Variants in DST observed in about 807,000 individuals in gnomAD.
The protein encoded by DST is dystonin, also known as bullous pemphigoid antigen.
Under a neutral mutation model 875.2 loss-of-function variants are expected in DST, and 253 were observed. That is an observed-to-expected ratio of 0.29 (90% CI 0.26 to 0.32). DST has a LOEUF of 0.32. Among genes scored for constraint, DST ranks in the 10% least tolerant of loss-of-function variants. The pLI, the probability that DST is intolerant of heterozygous loss-of-function variation, is 1.00. For synonymous variants in DST, 3,124 were observed against 3,197.1 expected, an observed-to-expected ratio of 0.98 and a Z score of 0.77; for missense variants, 8,287 against 9,111.6, an observed-to-expected ratio of 0.91 and a Z score of 3.68.
chr6:56,575,526 G>A (rs958550955), intron 50 of DST, among the ~76,000 whole-genome samples: 1 of 152,224 alleles, frequency 6.6e-6, no homozygotes, highest in East Asian at 1.9e-4. Context: ...ACTTTCGAAG[G>A]AAAGCCAGCT....
intron 4 of DST, among the ~76,000 whole-genome samples, chr6:56,758,803 A>C (rs1197627398): frequency 6.6e-6 from 1 of 152,208 alleles, no homozygotes; most frequent in Non-Finnish European, 1.5e-5. Context: ...AGGTTCTAAA[A>C]GCAACGGACC....
intron 2 of DST, among the ~76,000 whole-genome samples, chr6:56,908,653 A>T (rs1217256103): frequency 1.3e-5 from 2 of 152,228 alleles, no homozygotes; most frequent in Non-Finnish European, 2.9e-5. Flanking sequence ...ACTGGGCTGC[A>T]TTCCCAGACG....
rs766857332 is a variant in DST at position 56,630,395 on chromosome 6, A to T, written c.4143-12T>A. The T allele has an allele frequency of 6.2e-7, 1 of 1,610,432 alleles. No individual in the cohort carries two copies. On this transcript the variant is annotated splice_polypyrimidine_tract_variant and intron_variant, in intron 30 of 103. Transcript: ENST00000680361. ...TAACAGTTTTCAACCTTAAAAAGGA[A>T]ATTAAACAATAGCCACCTATGGTTA... is the stretch of plus-strand genomic sequence containing the variant.
In DST at chr6:56,637,724, A is replaced by T. The variant is rs145082645; in HGVS notation, c.2965-1072T>A. Among the ~76,000 whole-genome samples the T allele has an allele frequency of 5.9e-3, 890 of 152,120 alleles. 4 individuals carry two copies. The highest frequency in any genetic ancestry group is 0.02 in the African/African-American group (850 of 41,480). On this transcript the variant is annotated intron_variant, in intron 22 of 103. Transcript: ENST00000680361. ...CTCCTTCCTCAAGGAAACATGAAAT[A>T]CTCTTTTCTATTTAAGGTGCAATTC...
chr6:56,607,190 G>C lies in DST; in HGVS notation c.7438C>G (p.Gln2480Glu). The C allele has an allele frequency of 1.2e-6, 2 of 1,613,300 alleles. No homozygotes were observed. The highest frequency in any genetic ancestry group is 1.7e-6 in the Non-Finnish European group (2 of 1,179,588). Residue 2480 changes from glutamine (Q) to glutamate (E), a missense_variant, in exon 40 of 104, where the codon CAA becomes GAA. Physicochemically the swap from Gln to Glu is conservative, Grantham distance 29 (BLOSUM62 2). Transcript: ENST00000680361. ...SFSDKTMLSG[Q>E]RIGEKFQDQF... Reference sequence around the variant, plus strand: ...TCTTGAAATTTTTCTCCTATTCTTTGACCTGACAACATGGTTTTGTCACTG... The same window carrying C: ...TCTTGAAATTTTTCTCCTATTCTTTCACCTGACAACATGGTTTTGTCACTG...
rs1583412358 is a variant in DST at position 56,506,557 on chromosome 6, T to C, written c.19363-13A>G. ...ATGCTGAATTTAACTACAAGATGTATGTTAGAATTCTTTTAGTGCCATATT... is the reference window on the plus strand; with the variant it reads ...ATGCTGAATTTAACTACAAGATGTACGTTAGAATTCTTTTAGTGCCATATT... On this transcript the variant is annotated splice_polypyrimidine_tract_variant and intron_variant, in intron 76 of 103. Transcript: ENST00000680361. 1.2e-6 allele frequency: 2 copies of C among 1,610,834 alleles called. No homozygotes were observed. The highest frequency in any genetic ancestry group is 2.2e-5 in the South Asian group (2 of 90,676).
chr6:56,859,909 T>C (rs1431195548), intron 3 of DST, among the ~76,000 whole-genome samples: 2 of 152,158 alleles, frequency 1.3e-5, no homozygotes, highest in South Asian at 4.1e-4. Context: ...GCCTCCGCAG[T>C]CCCTTCAGAA....
chr6:56,589,478 G>A (rs80112075), intron 49 of DST, among the ~76,000 whole-genome samples: 1,537 of 152,302 alleles, frequency 0.01, 27 homozygotes, highest in African/African-American at 0.035. Flanking sequence ...ATGAAAGAAG[G>A]ATCTGTGACA....
chr6:56,818,926 A>G (rs1001472288), intron 4 of DST, among the ~76,000 whole-genome samples: 1 of 152,160 alleles, frequency 6.6e-6, no homozygotes, highest in Non-Finnish European at 1.5e-5. Flanking sequence ...TAACGCATGT[A>G]TACACTTAGC....
Position 56,846,434 on chromosome 6 carries a change from C to T in DST, c.625+4963G>A, listed in dbSNP as rs148998339. On this transcript the variant is annotated intron_variant, in intron 4 of 103. Coordinates refer to ENST00000680361, the MANE Select transcript of DST (RefSeq NM_001374736.1). ...GAAGAATTTGGATAGGACAAAAATC[C>T]TTTTCTTAAAATAGCATTATCACTG... 3.7e-4 allele frequency among the ~76,000 whole-genome samples: 57 copies of T among 152,284 alleles called. 1 individual carries two copies. In the East Asian group the frequency reaches 0.011, roughly 29 times the overall value.
At chr6:56,545,793 T>A (rs898181106) in intron 61 of DST, among the ~76,000 whole-genome samples, 4 of 152,226 alleles carry the variant, frequency 2.6e-5, no homozygotes, top group African/African-American at 7.2e-5. Context: ...CGCACTATTA[T>A]CAATGAATAA....
chr6:56,898,839 C>T (rs1027455969), intron 3 of DST, among the ~76,000 whole-genome samples: 3 of 152,196 alleles, frequency 2.0e-5, no homozygotes, highest in African/African-American at 7.2e-5. Flanking sequence ...CAAGATGATT[C>T]CATAATGCCT....
Position 56,597,896 on chromosome 6 carries a change from C to T in DST, c.12039G>A (p.Gln4013=). Residue 4013 remains glutamine (Q), a synonymous_variant, in exon 47 of 104, where the codon CAG becomes CAA. Transcript: ENST00000680361. ...DSERAGTKHK[Q]VIEQNGTHFQ... ...AATGGGTCCCGTTCTGTTCGATTAC[C>T]TGTTTGTGTTTTGTCCCTGCCCTTT... The T allele has an allele frequency of 6.2e-7, 1 of 1,613,770 alleles. No homozygotes were observed. The highest frequency in any genetic ancestry group is 8.5e-7 in the Non-Finnish European group (1 of 1,179,782).
chr6:56,555,844 A>C lies in DST; in HGVS notation c.14641-4T>G, dbSNP rs757638125. 8 of 1,492,614 alleles carry C rather than the reference A, an allele frequency of 5.4e-6. No individual in the cohort carries two copies. The African/African-American group carries it at 1.1e-4, about 21-fold the overall frequency. 92.5% of individuals were successfully genotyped at this position (1,492,614 alleles called of 1,614,324 possible). On this transcript the variant is annotated splice_region_variant and splice_polypyrimidine_tract_variant and intron_variant, in intron 59 of 103. Transcript: ENST00000680361. The stretch of plus-strand genomic sequence containing the variant: ...TGGCGAATTCTTGCAGCAAAATCTA[A>C]GGTAACAAGGGTAAACAAACGCAAA...
At position 56,552,702 on chromosome 6, in the gene DST, T is replaced by C; in HGVS notation, c.16090A>G (p.Ser5364Gly). The change falls in exon 61 of 104, where the codon AGT becomes GGT. Residue 5364 changes from serine (S) to glycine (G), a missense_variant. Coordinates refer to ENST00000680361, the MANE Select transcript of DST (RefSeq NM_001374736.1). ...TCATCAACCTGCTGACTTAGTGTAC[T>C]ATGCTCTTGAGCTATGGTTTCCACT... The part of the protein sequence containing the change: ...LQVETIAQEH[S>G]TLSQQVDEKC... 1.2e-6 allele frequency: 2 copies of C among 1,613,342 alleles called. No homozygotes were observed. Among genetic ancestry groups the C allele is most frequent in the African/African-American group, 1.3e-5 (1 of 75,058 alleles).
intron 4 of DST, among the ~76,000 whole-genome samples, chr6:56,804,824 T>C (rs906784087): frequency 6.6e-5 from 10 of 152,112 alleles, no homozygotes; most frequent in African/African-American, 1.7e-4. Flanking sequence ...TTTGCTACTA[T>C]AGTGTCATTT....
chr6:56,616,166 A>G (rs1275527790), intron 36 of DST: 1 of 1,614,082 alleles, frequency 6.2e-7, no homozygotes, highest in Non-Finnish European at 8.5e-7. Context: ...CCGGCTCAGC[A>G]AAGAATCAGC....
intron 60 of DST, 128 bp from the exon 61 acceptor site, chr6:56,553,783 T>A (rs890547187): frequency 1.2e-6 from 1 of 835,196 alleles, no homozygotes; most frequent in African/African-American, 1.7e-5. Context: ...TAGCATTGAC[T>A]ATAAGAACTA....
chr6:56,676,847 G>A (rs1024376468), intron 9 of DST, among the ~76,000 whole-genome samples: 1 of 152,132 alleles, frequency 6.6e-6, no homozygotes, highest in Non-Finnish European at 1.5e-5. Context: ...ATAGAAGTGG[G>A]GAGAGTAGAA....
Sources: gnomAD v4.1 joint callset for allele counts (sites outside exome capture counted in the v4.1 genomes callset) on GRCh38, gnomAD v4.1.1 for gene constraint, MANE v1.5 for transcripts, NCBI Gene and HGNC (gene_info 2026-07-23, HGNC 2026-07-21) for gene names.